Variants in TXNDC15 observed in about 807,000 individuals in gnomAD.
The protein encoded by TXNDC15 is thioredoxin domain-containing protein 15.
A neutral mutation model predicts 35.0 loss-of-function variants in TXNDC15; 24 were observed. The observed-to-expected ratio is 0.68, with a 90% CI of 0.50 to 0.96. TXNDC15 has a LOEUF of 0.96. Ranked by LOEUF, TXNDC15 falls within the 40% of genes least tolerant of loss-of-function variation. The probability of loss-of-function intolerance (pLI) is 0.00; values close to 1 mark genes in which losing one functional copy is unlikely to be tolerated. For synonymous variants in TXNDC15, 169 were observed against 174.0 expected (o/e 0.97, Z 0.23); for missense variants, 385 against 453.3 (o/e 0.85, Z 1.37).
At chr5:134,876,356 T>C (rs1489920827) in intron 1 of TXNDC15, among the ~76,000 whole-genome samples, 1 of 152,192 alleles carries the variant, frequency 6.6e-6, no homozygotes. Flanking sequence ...GAAGGCTGGC[T>C]TTGCCCCCGG....
intron 1 of TXNDC15, among the ~76,000 whole-genome samples, chr5:134,875,816 C>T (rs1336192436): frequency 2.0e-5 from 3 of 151,952 alleles, no homozygotes; most frequent in African/African-American, 7.2e-5. Flanking sequence ...ATTACAGGTG[C>T]CTGCCACCAC....
At position 134,874,372 on chromosome 5, in the gene TXNDC15, T is replaced by C. The variant is rs1020266134; in HGVS notation, c.-56T>C. Reference sequence around the variant, plus strand: ...CCAGGCTCTCCTCCCCCAGCCTTCCTCCGGCTGGCAGCACGACTCGCGTAG... The same window carrying C: ...CCAGGCTCTCCTCCCCCAGCCTTCCCCCGGCTGGCAGCACGACTCGCGTAG... On this transcript the variant is annotated 5_prime_UTR_variant, in exon 1 of 5. Coordinates refer to ENST00000358387, the MANE Select transcript of TXNDC15 (RefSeq NM_024715.4). 17 of 1,475,066 alleles carry C rather than the reference T, an allele frequency of 1.2e-5. No individual in the cohort carries two copies. The highest frequency in any genetic ancestry group is 1.4e-5 in the Non-Finnish European group (15 of 1,102,306). The allele number at this position is 1,475,066 out of a possible 1,614,324, so 91.4% of individuals were successfully genotyped here. A position where few individuals can be genotyped will look rare whatever the true frequency, so the allele number is the denominator to read the frequency against.
rs778574048 is a variant in TXNDC15, at chr5:134,874,394, G to A, written c.-34G>A. 5 of 1,541,056 alleles carry A rather than the reference G, an allele frequency of 3.2e-6. No individual in the cohort carries two copies. The African/African-American group carries it at 7.1e-5, about 22-fold the overall frequency. Reference sequence around the variant, plus strand: ...TCCTCCGGCTGGCAGCACGACTCGCGTAGCCGTGCGCCGATTGCCTCTCGG... The same window carrying A: ...TCCTCCGGCTGGCAGCACGACTCGCATAGCCGTGCGCCGATTGCCTCTCGG... On this transcript the variant is annotated 5_prime_UTR_variant, in exon 1 of 5. Transcript: ENST00000358387.
At chr5:134,875,430 G>T (rs1287824036) in intron 1 of TXNDC15, 2 of 456,126 alleles carry the variant, frequency 4.4e-6, no homozygotes, top group Non-Finnish European at 8.8e-6. Context: ...ATGAATGAAA[G>T]CGCTCACTGT....
chr5:134,896,290 G>T lies in TXNDC15; in HGVS notation c.756-4G>T, dbSNP rs199565776. On this transcript the variant is annotated splice_polypyrimidine_tract_variant and splice_region_variant and intron_variant, in intron 3 of 4. Transcript: ENST00000358387. ...TCAGGTTTTTTGACTTCTTTCTCTT[G>T]TAGCCTTTCTACCAGGTTTGGCACC... 2.0e-5 allele frequency: 32 copies of T among 1,609,370 alleles called. No homozygotes were observed. Among genetic ancestry groups the T allele is most frequent in the Non-Finnish European group, 2.6e-5 (31 of 1,178,944 alleles).
chr5:134,882,865 G>A (rs1460071231), intron 1 of TXNDC15, among the ~76,000 whole-genome samples: 1 of 152,186 alleles, frequency 6.6e-6, no homozygotes, highest in Non-Finnish European at 1.5e-5. Context: ...GAGAGGGAGA[G>A]GGAGAGCTGG....
At chr5:134,896,651 C>CTT (rs11438328) in intron 4 of TXNDC15, among the ~76,000 whole-genome samples, 78 of 134,390 alleles carry the variant, frequency 5.8e-4, no homozygotes, top group South Asian at 1.2e-3. Flanking sequence ...TTTTTTTTCC[C>CTT]TTTTTTTTTT....
chr5:134,878,882 C>T (rs1750089585), intron 1 of TXNDC15, among the ~76,000 whole-genome samples: 1 of 152,100 alleles, frequency 6.6e-6, no homozygotes, highest in Non-Finnish European at 1.5e-5. Flanking sequence ...ATCTGTAATC[C>T]CAGCTATTTG....
intron 1 of TXNDC15, among the ~76,000 whole-genome samples, chr5:134,881,140 TTTCCTG>T (rs1750133851): frequency 6.6e-6 from 1 of 151,208 alleles, no homozygotes; most frequent in Non-Finnish European, 1.5e-5. Context: ...TCTTTTTTTT[TTTCCTG>T]TGTGTTTCAT....
intron 2 of TXNDC15, among the ~76,000 whole-genome samples, chr5:134,888,981 C>T (rs1750333214): frequency 6.6e-6 from 1 of 152,190 alleles, no homozygotes; most frequent in South Asian, 2.1e-4. Flanking sequence ...GATGCATTCA[C>T]ACTGCTTATG....
rs1224332350 is a variant in TXNDC15, at chr5:134,888,639, A to G, written c.591+457A>G. On this transcript the variant is annotated intron_variant, in intron 2 of 4. Transcript: ENST00000358387. ...GCTGGGATTACAGGCATGCACTACC[A>G]TGCCTGGCTAATTTTGTATTTTTAG... 2.6e-5 allele frequency among the ~76,000 whole-genome samples: 4 copies of G among 152,052 alleles called. No homozygotes were observed. In the South Asian group the frequency reaches 6.2e-4, roughly 24 times the overall value.
rs1385972638 is a variant in TXNDC15, at chr5:134,881,581, C to G, written c.104-6114C>G. On this transcript the variant is annotated intron_variant, in intron 1 of 4. Coordinates refer to ENST00000358387, the MANE Select transcript of TXNDC15 (RefSeq NM_024715.4). ...GAACAAAATGAAAAGTCTCCCATGT[C>G]TACCTCTTTCTACACAGACACGGCA... Among the ~76,000 whole-genome samples, 3 of 124,422 alleles carry G rather than the reference C, an allele frequency of 2.4e-5. No homozygotes were observed. The East Asian group carries it at 7.0e-4, about 29-fold the overall frequency. The allele number at this position is 124,422 out of a possible 152,430, so 81.6% of individuals were successfully genotyped here.
intron 2 of TXNDC15, among the ~76,000 whole-genome samples, chr5:134,890,988 T>A (rs1451188907): frequency 9.9e-5 from 15 of 152,228 alleles, no homozygotes; most frequent in Admixed American, 9.8e-4. Context: ...TCAAGTTTTA[T>A]CATGAGATTG....
intron 1 of TXNDC15, among the ~76,000 whole-genome samples, chr5:134,886,869 C>G (rs977497617): frequency 3.3e-5 from 5 of 152,238 alleles, no homozygotes; most frequent in Non-Finnish European, 7.3e-5. Context: ...GGACACTGTG[C>G]TGAGCCTCTC....
chr5:134,893,076 T>G (rs1750419953), intron 2 of TXNDC15: 1 of 157,662 alleles, frequency 6.3e-6, no homozygotes, highest in South Asian at 1.9e-4. Context: ...GCTGAAAAAC[T>G]TGCTGGATGC....
At chr5:134,875,189 G>A (rs1474855719) in intron 1 of TXNDC15, 2 of 456,172 alleles carry the variant, frequency 4.4e-6, no homozygotes, top group African/African-American at 4.0e-5. Context: ...CAACTTGCCG[G>A]TAGGGAAGGC....
intron 4 of TXNDC15, among the ~76,000 whole-genome samples, chr5:134,897,192 C>T (rs1199306774): frequency 6.6e-6 from 1 of 152,054 alleles, no homozygotes; most frequent in Non-Finnish European, 1.5e-5. Context: ...CCTCGGCCTC[C>T]CAAAGTGCTG....
At chr5:134,895,820 C>T (rs1457121330) in intron 3 of TXNDC15, among the ~76,000 whole-genome samples, 3 of 152,190 alleles carry the variant, frequency 2.0e-5, no homozygotes, top group Non-Finnish European at 4.4e-5. Flanking sequence ...AGTCATCCTG[C>T]CCTAATTGTG....
At chr5:134,883,738 C>T (rs1238951433) in intron 1 of TXNDC15, among the ~76,000 whole-genome samples, 1 of 150,864 alleles carries the variant, frequency 6.6e-6, no homozygotes, top group Non-Finnish European at 1.5e-5. Flanking sequence ...TATGGCGAAA[C>T]CCCATCTCTA....
Sources: gnomAD v4.1 joint callset for allele counts (sites outside exome capture counted in the v4.1 genomes callset) on GRCh38, gnomAD v4.1.1 for gene constraint, MANE v1.5 for transcripts, NCBI Gene and HGNC (gene_info 2026-07-23, HGNC 2026-07-21) for gene names.